Variants in COL4A3 observed in about 807,000 individuals in gnomAD.
The protein encoded by COL4A3 is collagen type IV alpha 3 chain, also known as collagen alpha-3(IV) chain.
In COL4A3, 135 loss-of-function variants were observed where a neutral mutation model predicts 217.4. The observed-to-expected ratio is 0.62, with a 90% CI of 0.54 to 0.72. The LOEUF (loss-of-function observed/expected upper bound fraction) is 0.72, where lower values mean the gene tolerates loss of function less well. Ranked by LOEUF, COL4A3 falls within the 30% of genes least tolerant of loss-of-function variation. The pLI is 0.00. For missense variants in COL4A3, 1,868 were observed against 2,119.9 expected, an observed-to-expected ratio of 0.88 and a Z score of 2.33; for synonymous variants, 690 against 736.3, an observed-to-expected ratio of 0.94 and a Z score of 1.02.
At chr2:227,189,992 A>G (rs1454958876) in intron 1 of COL4A3, among the ~76,000 whole-genome samples, 1 of 152,160 alleles carries the variant, frequency 6.6e-6, no homozygotes, top group Non-Finnish European at 1.5e-5. Context: ...AAAACTTTGG[A>G]GTTGCATGCT....
chr2:227,272,197 G>C lies in COL4A3; in HGVS notation c.1759-752G>C, dbSNP rs565201651. On this transcript the variant is annotated intron_variant, in intron 25 of 51. Coordinates refer to ENST00000396578, the MANE Select transcript of COL4A3 (RefSeq NM_000091.5). ...CAGAATTCTGATGGTCTAATATTAAGAGAATTTGTATGATGTCCCTACTTG... is the reference window on the plus strand; with the variant it reads ...CAGAATTCTGATGGTCTAATATTAACAGAATTTGTATGATGTCCCTACTTG... Among the ~76,000 whole-genome samples the C allele has an allele frequency of 1.5e-4, 23 of 152,274 alleles. No individual in the cohort carries two copies. The East Asian group carries it at 4.3e-3, about 28-fold the overall frequency.
At chr2:227,277,088 C>T (rs567233736) in intron 27 of COL4A3, among the ~76,000 whole-genome samples, 3 of 151,812 alleles carry the variant, frequency 2.0e-5, no homozygotes, top group African/African-American at 7.3e-5. Context: ...GGGAGGCCGA[C>T]GCAGGCGGAT....
chr2:227,187,297 G>T (rs2066067486), intron 1 of COL4A3, among the ~76,000 whole-genome samples: 1 of 152,118 alleles, frequency 6.6e-6, no homozygotes, highest in Non-Finnish European at 1.5e-5. Flanking sequence ...GGAGGATGAG[G>T]GTGAGGATGG....
rs1225037194 is a variant in COL4A3, at chr2:227,249,226, A to ATTTTTTTTTT, written c.546+707_546+708insTTTTTTTTTT. On this transcript the variant is annotated intron_variant, in intron 9 of 51. Transcript: ENST00000396578. ...AAAATTAGCTAGTATATATATATAT[A>ATTTTTTTTTT]TATATTTTTTTTTTTTTTTTTTTTT... Among the ~76,000 whole-genome samples, 4 of 24,212 alleles carry ATTTTTTTTTT rather than the reference A, an allele frequency of 1.7e-4. 1 individual carries two copies. In the East Asian group the frequency reaches 3.8e-3, roughly 23 times the overall value. The allele number at this position is 24,212 out of a possible 152,430, so 15.9% of individuals were successfully genotyped here.
intron 1 of COL4A3, among the ~76,000 whole-genome samples, chr2:227,216,025 G>A (rs1361914445): frequency 6.6e-6 from 1 of 152,166 alleles, no homozygotes; most frequent in Non-Finnish European, 1.5e-5. Flanking sequence ...ACCTACAGTA[G>A]TCAAATTCAT....
At chr2:227,288,644 C>G (rs1574799307) in intron 34 of COL4A3, among the ~76,000 whole-genome samples, 1 of 152,178 alleles carries the variant, frequency 6.6e-6, no homozygotes, top group East Asian at 1.9e-4. Context: ...AACACTTTGT[C>G]TTTACTATTA....
intron 23 of COL4A3, among the ~76,000 whole-genome samples, chr2:227,267,792 GAAAA>G (rs11298010): frequency 6.8e-6 from 1 of 146,740 alleles, no homozygotes; most frequent in Non-Finnish European, 1.5e-5. Flanking sequence ...ATTTTGAAAG[GAAAA>G]AAAAAAAAAC....
chr2:227,271,037 G>A, intron 25 of COL4A3, 85 bp downstream of exon 25: 1 of 1,341,062 alleles, frequency 7.5e-7, no homozygotes, highest in Non-Finnish European at 1.1e-6. Context: ...AAAAATGGTT[G>A]GCCGCTCAGC....
Position 227,272,944 on chromosome 2 carries a change from C to A in COL4A3, c.1759-5C>A. 6.2e-7 allele frequency: 1 copy of A among 1,613,818 alleles called. No individual in the cohort carries two copies. The highest frequency in any genetic ancestry group is 8.5e-7 in the Non-Finnish European group (1 of 1,179,798). Reference sequence around the variant, plus strand: ...CACGATTCAAACACATTCCTGTTGTCACAGGCTCTGAGTGGTGAGAAAGGG... The same window carrying A: ...CACGATTCAAACACATTCCTGTTGTAACAGGCTCTGAGTGGTGAGAAAGGG... On this transcript the variant is annotated splice_polypyrimidine_tract_variant and splice_region_variant and intron_variant, in intron 25 of 51. Coordinates refer to ENST00000396578, the MANE Select transcript of COL4A3 (RefSeq NM_000091.5).
In COL4A3 at chr2:227,303,892, T is replaced by C. The variant is rs767033956; in HGVS notation, c.3989T>C (p.Ile1330Thr). The part of the protein sequence containing the change: ...EKGNPGFLGS[I>T]GPPGPIGPKG... ...GGTAATCCTGGATTTCTAGGATCCA[T>C]TGGACCTCCAGGACCAATTGGGCCA... The change falls in exon 45 of 52, where the codon ATT becomes ACT. Residue 1330 changes from isoleucine to threonine, a missense_variant. Physicochemically the swap from Ile to Thr is moderately conservative, Grantham distance 89. Coordinates refer to ENST00000396578, the MANE Select transcript of COL4A3 (RefSeq NM_000091.5). The C allele has an allele frequency of 4.3e-5, 70 of 1,614,116 alleles. No individual in the cohort carries two copies. Among genetic ancestry groups the C allele is most frequent in the Non-Finnish European group, 5.2e-5 (61 of 1,180,036 alleles).
intron 37 of COL4A3, among the ~76,000 whole-genome samples, chr2:227,292,290 C>A (rs754469371): frequency 5.3e-5 from 8 of 152,148 alleles, no homozygotes; most frequent in Non-Finnish European, 1.2e-4. Context: ...CAACTGTTTA[C>A]TACTTGGAGC....
chr2:227,310,478 G>A (rs1559924594), intron 50 of COL4A3, among the ~76,000 whole-genome samples: 1 of 152,152 alleles, frequency 6.6e-6, no homozygotes. Flanking sequence ...CACCATGCCG[G>A]CTACTTTTTG....
intron 1 of COL4A3, among the ~76,000 whole-genome samples, chr2:227,236,053 C>T (rs980929689): frequency 3.9e-5 from 6 of 152,254 alleles, no homozygotes; most frequent in Admixed American, 1.3e-4. Context: ...GGATTGCAGG[C>T]GTGAGCCCCC....
intron 50 of COL4A3, 151 bp downstream of exon 50, chr2:227,309,469 C>CTT (rs1037834555): frequency 2.2e-5 from 11 of 496,736 alleles, no homozygotes; most frequent in African/African-American, 1.2e-4. Flanking sequence ...TACAAACAGA[C>CTT]TTTTTTTTTT....
At position 227,263,796 on chromosome 2, in the gene COL4A3, C is replaced by A; in HGVS notation, c.1167C>A (p.Gly389=). 1 of 1,613,856 alleles carries A rather than the reference C, an allele frequency of 6.2e-7. No homozygotes were observed. The highest frequency in any genetic ancestry group is 8.5e-7 in the Non-Finnish European group (1 of 1,179,858). Residue 389 remains glycine, a synonymous_variant, in exon 21 of 52, where the codon GGC becomes GGA. Coordinates refer to ENST00000396578, the MANE Select transcript of COL4A3 (RefSeq NM_000091.5). ...VPGSPGSSRP[G]LRGAPGWPGL... is the part of the protein sequence containing the mutation. ...TTCTCCAAGGATCATCAAGGCCTGG[C>A]CTCAGAGGAGCCCCTGGATGGCCAG...
rs886396005 is a variant in COL4A3 at position 227,295,271 on chromosome 2, T to G, written c.3520T>G (p.Leu1174Val). 44 of 1,613,986 alleles carry G rather than the reference T, an allele frequency of 2.7e-5. 1 individual carries two copies. The highest frequency in any genetic ancestry group is 3.1e-5 in the Non-Finnish European group (36 of 1,179,956). The change falls in exon 41 of 52, where the codon TTA becomes GTA. Residue 1174 changes from leucine to valine, a missense_variant and splice_region_variant. Around this residue, in one of 2 missense-constraint regions of COL4A3, gnomAD observed 1,503 missense variants for 1,786.1 expected, o/e 0.84. Transcript: ENST00000396578. ...GPAGEKGETGLLRAPPGPRGN... is the reference protein window; with the variant it reads ...GPAGEKGETGVLRAPPGPRGN... ...CATGCCAAGATTATCTCTTTCAGGT[T>G]TATTGAGGGCCCCTCCAGGCCCAAG...
intron 8 of COL4A3, chr2:227,248,230 G>A: frequency 2.0e-6 from 1 of 501,052 alleles, no homozygotes; most frequent in Non-Finnish European, 3.7e-6. Context: ...ATGTGCCACT[G>A]TACTGGGCCC....
intron 1 of COL4A3, among the ~76,000 whole-genome samples, chr2:227,183,081 T>A (rs1475738108): frequency 6.6e-6 from 1 of 152,232 alleles, no homozygotes; most frequent in Non-Finnish European, 1.5e-5. Context: ...ACTGAATTGA[T>A]CTAAATAGAG....
chr2:227,256,302 C>T, intron 16 of COL4A3, 41 bp from the exon 17 acceptor site: 1 of 1,592,916 alleles, frequency 6.3e-7, no homozygotes, highest in African/African-American at 1.3e-5. Flanking sequence ...GAAGTTGGCT[C>T]CTGTGTCTTC....
Sources: gnomAD v4.1 joint callset for allele counts (sites outside exome capture counted in the v4.1 genomes callset) on GRCh38, gnomAD v4.1.1 for gene constraint, gnomAD v4.1.1 regional missense constraint, MANE v1.5 for transcripts, NCBI Gene and HGNC (gene_info 2026-07-23, HGNC 2026-07-21) for gene names.